The following LEUTX variants were observed in gnomAD, a reference collection of about 807,000 sequenced individuals.
The protein encoded by LEUTX is leucine twenty homeobox.
LEUTX carries 5 observed loss-of-function variants against 4.5 expected under a neutral mutation model. The ratio of observed to expected loss-of-function variants is 1.11; its 90% CI spans 0.58 to 2.34. The LOEUF (loss-of-function observed/expected upper bound fraction) is 2.34. Among genes scored for constraint, LEUTX ranks in the 30% most tolerant of loss-of-function variants. The pLI is 0.01. For synonymous variants in LEUTX, 89 were observed against 85.1 expected, an observed-to-expected ratio of 1.05 and a Z score of -0.25; for missense variants, 233 against 239.4, an observed-to-expected ratio of 0.97 and a Z score of 0.18.
intron 1 of LEUTX, among the ~76,000 whole-genome samples, chr19:39,783,996 C>T (rs978808768): frequency 2.0e-5 from 3 of 152,070 alleles, no homozygotes; most frequent in Non-Finnish European, 4.4e-5. Context: ...AAAGTCCTAG[C>T]TATTTATCTT....
At chr19:39,776,767 G>C (rs907865913), upstream of LEUTX, 7 of 431,438 alleles carry the variant, frequency 1.6e-5, no homozygotes, top group Admixed American at 1.5e-4. Flanking sequence ...TGTAGTCCCA[G>C]CTGCTTGGGA....
At position 39,784,520 on chromosome 19, in the gene LEUTX, T is replaced by G. The variant is rs1967935077; in HGVS notation, c.8-7T>G. 1 of 907,192 alleles carries G rather than the reference T, an allele frequency of 1.1e-6. No homozygotes were observed. Among genetic ancestry groups the G allele is most frequent in the African/African-American group, 1.6e-5 (1 of 60,972 alleles). 56.2% of individuals were successfully genotyped at this position (907,192 alleles called of 1,614,324 possible). ...TAATGAAAGCCTTTTATCTGTTCCCTCTGCAGAAGGGCCAAGGCGTTATCG... is the reference window on the plus strand; with the variant it reads ...TAATGAAAGCCTTTTATCTGTTCCCGCTGCAGAAGGGCCAAGGCGTTATCG... On this transcript the variant is annotated splice_polypyrimidine_tract_variant and splice_region_variant and intron_variant, in intron 1 of 2. Transcript: ENST00000638280.
chr19:39,783,283 A>G (rs1967914808), intron 1 of LEUTX, among the ~76,000 whole-genome samples: 1 of 147,012 alleles, frequency 6.8e-6, no homozygotes, highest in Non-Finnish European at 1.5e-5. Context: ...AAATTATAAT[A>G]TTTGTATTAT....
At chr19:39,776,585 G>C, upstream of LEUTX, 1 of 456,160 alleles carries the variant, frequency 2.2e-6, no homozygotes. Context: ...AACAAAAAGA[G>C]AAACTGTAAC....
At chr19:39,781,287 A>G (rs564186712) in intron 1 of LEUTX, among the ~76,000 whole-genome samples, 57 of 152,280 alleles carry the variant, frequency 3.7e-4, no homozygotes, top group African/African-American at 1.3e-3. Context: ...CTGTTTTTCC[A>G]TGTATTTGCA....
Position 39,785,739 on chromosome 19 carries a change from G to A in LEUTX, c.201G>A (p.Gln67=), listed in dbSNP as rs1967958689. 2 of 1,551,676 alleles carry A rather than the reference G, an allele frequency of 1.3e-6. No individual in the cohort carries two copies. Among genetic ancestry groups the A allele is most frequent in the Non-Finnish European group, 8.7e-7 (1 of 1,147,032 alleles). The change falls in exon 3 of 3, where the codon CAG becomes CAA. Residue 67 remains glutamine, a synonymous_variant. Transcript: ENST00000638280. The part of the protein sequence containing the change: ...KNQRAKWKRQ[Q]RQQMQTRPSL... ...AGCGTGCCAAATGGAAGAGGCAGCA[G>A]CGGCAGCAAATGCAGACACGGCCAT...
At chr19:39,780,588 G>C (rs1967871016) in intron 1 of LEUTX, among the ~76,000 whole-genome samples, 1 of 152,056 alleles carries the variant, frequency 6.6e-6, no homozygotes, top group Admixed American at 6.6e-5. Context: ...AATATTGCTA[G>C]TGCTGGACAT....
chr19:39,783,235 C>T (rs1967913300), intron 1 of LEUTX, among the ~76,000 whole-genome samples: 1 of 146,488 alleles, frequency 6.8e-6, no homozygotes, highest in Admixed American at 6.9e-5. Context: ...AGTGGCATTC[C>T]ATCATATAAT....
Position 39,786,085 on chromosome 19 carries a change from T to C in LEUTX, c.547T>C (p.Tyr183His). 4 of 1,549,228 alleles carry C rather than the reference T, an allele frequency of 2.6e-6. No homozygotes were observed. Among genetic ancestry groups the C allele is most frequent in the African/African-American group, 1.4e-5 (1 of 72,970 alleles). The change falls in exon 3 of 3, where the codon TAT (tyrosine) becomes CAT (histidine). Residue 183 changes from tyrosine (Y) to histidine (H), a missense_variant. Tyr to His is a moderately conservative substitution (Grantham distance 83, BLOSUM62 2). Transcript: ENST00000638280. ...GEDDTSSLNQ[Y>H]LFPVCLEYDQ... Reference sequence around the variant, plus strand: ...AGATGACACCAGCAGCCTAAATCAATATCTTTTTCCAGTATGCCTTGAGTA... The same window carrying C: ...AGATGACACCAGCAGCCTAAATCAACATCTTTTTCCAGTATGCCTTGAGTA...
intron 1 of LEUTX, among the ~76,000 whole-genome samples, chr19:39,779,848 T>C (rs1967858663): frequency 6.6e-6 from 1 of 152,096 alleles, no homozygotes; most frequent in African/African-American, 2.4e-5. Flanking sequence ...ACCCTGTCAC[T>C]ACTAAAAATA....
In LEUTX at chr19:39,785,792, C is replaced by T. The variant is rs768484764; in HGVS notation, c.254C>T (p.Ser85Leu). The T allele has an allele frequency of 1.3e-6, 2 of 1,551,786 alleles. No homozygotes were observed. Among genetic ancestry groups the T allele is most frequent in the South Asian group, 1.2e-5 (1 of 84,064 alleles). ...CTAGGGCCAGCAAACCAGACAACTT[C>T]AGTGAAGAAGGAGGAGACTCCCTCA... The part of the protein sequence containing the change: ...PSLGPANQTT[S>L]VKKEETPSAI... The change falls in exon 3 of 3, where the codon TCA (serine) becomes TTA (leucine). Residue 85 changes from serine to leucine, a missense_variant. Coordinates refer to ENST00000638280, the MANE Select transcript of LEUTX (RefSeq NM_001382345.1).
chr19:39,785,628 C>T (rs1794447546), intron 2 of LEUTX, 70 bp from the exon 3 acceptor site: 2 of 1,268,450 alleles, frequency 1.6e-6, no homozygotes, highest in Non-Finnish European at 2.2e-6. Flanking sequence ...AAACCGAATT[C>T]CTGAGGAACA....
chr19:39,777,843 C>A (rs1355536045), upstream of LEUTX, among the ~76,000 whole-genome samples: 2 of 152,150 alleles, frequency 1.3e-5, no homozygotes, highest in Admixed American at 1.3e-4. Context: ...ATGGGTCCTT[C>A]AATCATTTGG....
In LEUTX at chr19:39,785,945, G is replaced by C. The variant is rs1009258079; in HGVS notation, c.407G>C (p.Trp136Ser). 3.9e-6 allele frequency: 6 copies of C among 1,551,666 alleles called. No homozygotes were observed. The highest frequency in any genetic ancestry group is 2.4e-5 in the East Asian group (1 of 40,942). ...GASASARVSS[W>S]DSQSYDIEQI... ...AGCGCCTCTGCGAGGGTTTCATCCTGGGATTCTCAGTCATATGACATTGAA... is the reference window on the plus strand; with the variant it reads ...AGCGCCTCTGCGAGGGTTTCATCCTCGGATTCTCAGTCATATGACATTGAA... The change falls in exon 3 of 3, where the codon TGG becomes TCG. Residue 136 changes from tryptophan to serine, a missense_variant. Coordinates refer to ENST00000638280, the MANE Select transcript of LEUTX (RefSeq NM_001382345.1).
At chr19:39,781,934 G>A (rs1233985695) in intron 1 of LEUTX, among the ~76,000 whole-genome samples, 1 of 152,154 alleles carries the variant, frequency 6.6e-6, no homozygotes, top group African/African-American at 2.4e-5. Flanking sequence ...TAAAGATACG[G>A]AGGCAAACAG....
chr19:39,780,568 T>G (rs1340341475), intron 1 of LEUTX, among the ~76,000 whole-genome samples: 1 of 152,208 alleles, frequency 6.6e-6, no homozygotes, highest in Non-Finnish European at 1.5e-5. Flanking sequence ...GAGATATTTT[T>G]AGTCACATAA....
upstream of LEUTX, among the ~76,000 whole-genome samples, chr19:39,778,483 C>T (rs961272877): frequency 6.6e-6 from 1 of 152,020 alleles, no homozygotes; most frequent in Non-Finnish European, 1.5e-5. Flanking sequence ...CACTGGAAGC[C>T]GTCCACGCAC....
Position 39,785,699 on chromosome 19 carries a change from T to A in LEUTX, c.161T>A (p.Ile54Asn). 1 of 1,551,208 alleles carries A rather than the reference T, an allele frequency of 6.4e-7. No homozygotes were observed. Among genetic ancestry groups the A allele is most frequent in the Non-Finnish European group, 8.7e-7 (1 of 1,146,486 alleles). The change falls in exon 3 of 3, where the codon ATC (isoleucine) becomes AAC (asparagine). Residue 54 changes from isoleucine (I) to asparagine (N), a missense_variant and splice_region_variant. Physicochemically the swap from Ile to Asn is moderately radical, Grantham distance 149. Coordinates refer to ENST00000638280, the MANE Select transcript of LEUTX (RefSeq NM_001382345.1). ...ACCTCCCCCCTCCTCCCTCCTTAGA[T>A]CTGGTTCAAGAACCAGCGTGCCAAA... is the stretch of plus-strand genomic sequence containing the variant. Reference protein sequence around the residue: ...KLQLDLSVVKIWFKNQRAKWK... With the variant: ...KLQLDLSVVKNWFKNQRAKWK...
At chr19:39,784,103 A>G (rs73546650) in intron 1 of LEUTX, among the ~76,000 whole-genome samples, 2,352 of 152,008 alleles carry the variant, frequency 0.015, 67 homozygotes, top group African/African-American at 0.054. Flanking sequence ...ATTGTCTCCT[A>G]AAGTTTTTAT....
Sources: gnomAD v4.1 joint callset for allele counts (sites outside exome capture counted in the v4.1 genomes callset) on GRCh38, gnomAD v4.1.1 for gene constraint, MANE v1.5 for transcripts, NCBI Gene and HGNC (gene_info 2026-07-23, HGNC 2026-07-21) for gene names.